Variants in MTMR8 observed in about 807,000 individuals in gnomAD.
MTMR8 encodes myotubularin related protein 8, also known as phosphatidylinositol-3,5-bisphosphate 3-phosphatase MTMR8.
MTMR8 carries 65 observed loss-of-function variants against 39.3 expected under a neutral mutation model. The ratio of observed to expected loss-of-function variants is 1.65; its 90% CI spans 1.35 to 2.03. MTMR8 has a LOEUF of 2.03. Among genes scored for constraint, MTMR8 ranks in the 30% most tolerant of loss-of-function variants. The pLI is 0.00. For missense variants in MTMR8, 777 were observed against 538.9 expected, an observed-to-expected ratio of 1.44 and a Z score of -4.37; for synonymous variants, 245 against 185.2, an observed-to-expected ratio of 1.32 and a Z score of -2.62.
chrX:64,343,803 G>T, intron 7 of MTMR8, 83 bp from the exon 8 acceptor site: 1 of 648,108 alleles, frequency 1.5e-6, no homozygotes. Context: ...TCTCCATATC[G>T]TAAGTGAGGA....
rs1355112758 is a variant in MTMR8 at position 64,305,388 on chromosome X, C to T, written c.1481+23384G>A. The T allele has an allele frequency of 3.0e-5, 7 of 233,737 alleles. No homozygotes were observed. The South Asian group carries it at 4.3e-4, about 14-fold the overall frequency. The allele number at this position is 233,737 out of a possible 1,213,427, so 19.3% of individuals were successfully genotyped here. On this transcript the variant is annotated intron_variant, in intron 12 of 13. Transcript: ENST00000374852. ...CCCCTTATCCAAAAGGTTTATTATT[C>T]TTGGTACAATATTGGCATCTATTAC...
chrX:64,276,150 A>G (rs922969637), intron 12 of MTMR8, among the ~76,000 whole-genome samples: 2 of 110,656 alleles, frequency 1.8e-5, no homozygotes, highest in Non-Finnish European at 3.8e-5. Flanking sequence ...TGGACTCATT[A>G]ATTTTTTTGA....
chrX:64,335,152 A>G (rs765995468), intron 10 of MTMR8, among the ~76,000 whole-genome samples: 44 of 108,136 alleles, frequency 4.1e-4, no homozygotes, highest in Non-Finnish European at 7.9e-4. Flanking sequence ...TTTTTTTGAG[A>G]TGGAGTTTCA....
At chrX:64,385,651 C>T (rs1346007958) in intron 1 of MTMR8, among the ~76,000 whole-genome samples, 1 of 111,296 alleles carries the variant, frequency 9.0e-6, no homozygotes, top group Non-Finnish European at 1.9e-5. Context: ...GGAGAGCAGG[C>T]ATCTCACATG....
At chrX:64,343,575 A>T (rs1175341822) in intron 8 of MTMR8, 36 bp downstream of exon 8, 1 of 894,163 alleles carries the variant, frequency 1.1e-6, no homozygotes, top group East Asian at 3.2e-5. Flanking sequence ...TCCCATAATT[A>T]AAGTCAGTGC....
intron 12 of MTMR8, among the ~76,000 whole-genome samples, chrX:64,322,380 T>C (rs184556416): frequency 8.9e-6 from 1 of 111,783 alleles, no homozygotes; most frequent in East Asian, 2.8e-4. Flanking sequence ...TACTGTTATG[T>C]CCTTCTCTGG....
Position 64,270,946 on chromosome X carries a change from C to T in MTMR8, c.1608+1G>A. The T allele has an allele frequency of 8.3e-7, 1 of 1,208,790 alleles. No homozygotes were observed. The highest frequency in any genetic ancestry group is 1.1e-6 in the Non-Finnish European group (1 of 894,324). On this transcript the variant is annotated splice_donor_variant, in intron 13 of 13. Transcript: ENST00000374852. LOFTEE classifies it high-confidence loss of function. ...TCTCTCTTTGGGACTTTTCTCCTCA[C>T]CTTTTCTAGTTCATGCACATCTGTC...
intron 10 of MTMR8, among the ~76,000 whole-genome samples, chrX:64,335,276 C>G (rs922003558): frequency 1.4e-4 from 15 of 110,529 alleles, no homozygotes; most frequent in African/African-American, 4.9e-4. Flanking sequence ...GGATTATAGG[C>G]ACCCGCCACC....
chrX:64,378,042 T>C (rs942476435), intron 1 of MTMR8, among the ~76,000 whole-genome samples: 2 of 112,022 alleles, frequency 1.8e-5, no homozygotes, highest in Admixed American at 1.9e-4. Flanking sequence ...CCTTCTGCCA[T>C]GACTGTAAAT....
At chrX:64,381,206 C>A in intron 1 of MTMR8, among the ~76,000 whole-genome samples, 1 of 111,850 alleles carries the variant, frequency 8.9e-6, no homozygotes, top group Non-Finnish European at 1.9e-5. Context: ...TTTACAGTCC[C>A]ACCAACAGTG....
chrX:64,303,932 CT>C (rs1340330245), intron 12 of MTMR8, among the ~76,000 whole-genome samples: 2 of 112,032 alleles, frequency 1.8e-5, no homozygotes, highest in East Asian at 5.6e-4. Flanking sequence ...AAAGCATGGC[CT>C]TTTAAGCACA....
At chrX:64,389,743 A>G (rs780547932) in intron 1 of MTMR8, among the ~76,000 whole-genome samples, 180 of 111,966 alleles carry the variant, frequency 1.6e-3, no homozygotes, top group Admixed American at 5.1e-3. Flanking sequence ...GAAAAAACAC[A>G]CAGTTATAGA....
At chrX:64,298,633 G>C (rs1921721428) in intron 12 of MTMR8, among the ~76,000 whole-genome samples, 1 of 95,494 alleles carries the variant, frequency 1.0e-5, no homozygotes, top group South Asian at 4.0e-4. Flanking sequence ...GGAGTGGTGA[G>C]AGAGGGCATC....
intron 12 of MTMR8, among the ~76,000 whole-genome samples, chrX:64,298,728 C>G (rs1307662424): frequency 1.3e-5 from 1 of 76,649 alleles, no homozygotes; most frequent in East Asian, 3.5e-4. Context: ...TCATAGATAG[C>G]TCTTATTATT....
intron 12 of MTMR8, among the ~76,000 whole-genome samples, chrX:64,294,107 C>T (rs1337721666): frequency 9.0e-6 from 1 of 111,689 alleles, no homozygotes; most frequent in Non-Finnish European, 1.9e-5. Context: ...ACCTGTCAAT[C>T]CTCTGGTATA....
chrX:64,334,379 TTCTG>T (rs1433393846), intron 10 of MTMR8, among the ~76,000 whole-genome samples: 2 of 109,635 alleles, frequency 1.8e-5, no homozygotes, highest in Non-Finnish European at 3.8e-5. Context: ...ATATCATTGC[TTCTG>T]TCTTTTTTTC....
At chrX:64,318,562 G>C (rs1922537043) in intron 12 of MTMR8, among the ~76,000 whole-genome samples, 1 of 110,975 alleles carries the variant, frequency 9.0e-6, no homozygotes, top group Admixed American at 9.6e-5. Context: ...TAGTCAATCT[G>C]CCTTCTACTC....
chrX:64,330,631 C>T (rs182463236), intron 11 of MTMR8, among the ~76,000 whole-genome samples: 1 of 111,436 alleles, frequency 9.0e-6, no homozygotes, highest in African/African-American at 3.2e-5. Context: ...TCATATATTG[C>T]CAAGCTGTTA....
chrX:64,393,683 C>G lies in MTMR8; in HGVS notation c.24+1657G>C, dbSNP rs561062354. On this transcript the variant is annotated intron_variant, in intron 1 of 13. Coordinates refer to ENST00000374852, the MANE Select transcript of MTMR8 (RefSeq NM_017677.4). The stretch of plus-strand genomic sequence containing the variant: ...AGAGGACCCGTACAAATGACATGAT[C>G]CGGAAACAAAGGGACACAGAAAAAG... Among the ~76,000 whole-genome samples the G allele has an allele frequency of 3.9e-4, 43 of 111,558 alleles. No individual in the cohort carries two copies. The South Asian group carries it at 0.016, about 42-fold the overall frequency.
Sources: gnomAD v4.1 joint callset for allele counts (sites outside exome capture counted in the v4.1 genomes callset) on GRCh38, gnomAD v4.1.1 for gene constraint, MANE v1.5 for transcripts, NCBI Gene and HGNC (gene_info 2026-07-23, HGNC 2026-07-21) for gene names.